AGO3: variants seen among roughly 807,000 people sequenced by gnomAD.
The protein encoded by AGO3 is argonaute RISC catalytic component 3.
AGO3 carries 16 observed loss-of-function variants against 105.5 expected under a neutral mutation model. The observed-to-expected ratio is 0.15, with a 90% CI of 0.10 to 0.23. The LOEUF (loss-of-function observed/expected upper bound fraction) is 0.23, where lower values mean the gene tolerates loss of function less well. AGO3 is among the 10% of genes least tolerant of loss of function. The pLI, the probability that AGO3 is intolerant of heterozygous loss-of-function variation, is 1.00. For missense variants in AGO3, 534 were observed against 1,088.0 expected (o/e 0.49, Z 7.16); for synonymous variants, 340 against 367.3 (o/e 0.93, Z 0.85).
chr1:35,952,226 A>T (rs1265280120), intron 2 of AGO3, among the ~76,000 whole-genome samples: 1 of 143,834 alleles, frequency 7.0e-6, no homozygotes, highest in Non-Finnish European at 1.5e-5. Context: ...GGCTCACTGC[A>T]ACCTCTGCCT....
At chr1:35,936,200 G>GT (rs1362208637) in intron 1 of AGO3, among the ~76,000 whole-genome samples, 1 of 151,752 alleles carries the variant, frequency 6.6e-6, no homozygotes, top group Non-Finnish European at 1.5e-5. Context: ...AGTTTCTGTG[G>GT]TTTTCTGCCA....
At chr1:36,012,784 C>T (rs1640683123) in intron 9 of AGO3, among the ~76,000 whole-genome samples, 2 of 151,940 alleles carry the variant, frequency 1.3e-5, no homozygotes, top group African/African-American at 4.8e-5. Flanking sequence ...ACATTTTCAG[C>T]TGGGTAGTAC....
At chr1:35,963,170 T>TA (rs1044670816) in intron 2 of AGO3, among the ~76,000 whole-genome samples, 3 of 152,220 alleles carry the variant, frequency 2.0e-5, no homozygotes, top group African/African-American at 7.2e-5. Flanking sequence ...CATGGGTTCA[T>TA]AAGGGGACAT....
rs1319497306 is a variant in AGO3 at position 35,931,453 on chromosome 1, A to G, written c.19+8A>G. 4 of 1,513,610 alleles carry G rather than the reference A, an allele frequency of 2.6e-6. No homozygotes were observed. In the East Asian group the frequency reaches 8.1e-5, roughly 31 times the overall value. The allele number at this position is 1,513,610 out of a possible 1,614,324, so 93.8% of individuals were successfully genotyped here. ...TGGAAATCGGCTCCGCAGGTGAGTC[A>G]GAGTAGCTGGGCCAGGTAGGGGATG... On this transcript the variant is annotated splice_region_variant and intron_variant, in intron 1 of 18. Coordinates refer to ENST00000373191, the MANE Select transcript of AGO3 (RefSeq NM_024852.4).
chr1:36,013,702 C>T lies in AGO3; in HGVS notation c.1222C>T (p.His408Tyr). 1 of 1,614,124 alleles carries T rather than the reference C, an allele frequency of 6.2e-7. No individual in the cohort carries two copies. Among genetic ancestry groups the T allele is most frequent in the South Asian group, 1.1e-5 (1 of 91,086 alleles). Reference protein sequence around the residue: ...FQFKVRDEMAHVTGRVLPAPM... With the variant: ...FQFKVRDEMAYVTGRVLPAPM... ...ATTTAAAGTTCGGGATGAAATGGCT[C>T]ATGTAACTGGACGCGTACTTCCAGC... Residue 408 changes from histidine to tyrosine, a missense_variant, in exon 10 of 19, where the codon CAT becomes TAT. Physicochemically the swap from His to Tyr is moderately conservative, Grantham distance 83 (BLOSUM62 2). Transcript: ENST00000373191.
chr1:36,013,520 T>C, intron 9 of AGO3, 110 bp from the exon 10 acceptor site: 1 of 1,410,806 alleles, frequency 7.1e-7, no homozygotes, highest in Non-Finnish European at 9.6e-7. Context: ...ATTAGACCTG[T>C]TGGAAAATAT....
rs1643107226 is a variant in AGO3 at position 36,067,271 on chromosome 1, A to T, written c.*11526A>T. 6.6e-6 allele frequency: 1 copy of T among 152,242 alleles called. No homozygotes were observed. The highest frequency in any genetic ancestry group is 6.5e-5 in the Admixed American group (1 of 15,278). 9.4% of individuals were successfully genotyped at this position (152,242 alleles called of 1,614,324 possible). A position where few individuals can be genotyped will look rare whatever the true frequency, so the allele number is the denominator to read the frequency against. ...ACAGTCCGACCCAGTTCATGGATACAGTTTGATCCCAGGGAGTTTAACAAA... is the reference window on the plus strand; with the variant it reads ...ACAGTCCGACCCAGTTCATGGATACTGTTTGATCCCAGGGAGTTTAACAAA... On this transcript the variant is annotated 3_prime_UTR_variant, in exon 19 of 19. Transcript: ENST00000373191.
At chr1:36,037,390 G>A (rs1642059366) in intron 14 of AGO3, among the ~76,000 whole-genome samples, 1 of 152,034 alleles carries the variant, frequency 6.6e-6, no homozygotes, top group African/African-American at 2.4e-5. Context: ...TCGTGGTGGT[G>A]GGTGCCTTTA....
intron 12 of AGO3, among the ~76,000 whole-genome samples, chr1:36,030,510 A>G (rs1021662666): frequency 6.6e-6 from 1 of 151,896 alleles, no homozygotes; most frequent in Non-Finnish European, 1.5e-5. Context: ...TTCTCAAAAA[A>G]AAAAAAAAAA....
Position 35,994,010 on chromosome 1 carries a change from C to G in AGO3, c.659-10331C>G, listed in dbSNP as rs577537908. ...CTGCCCACCTCAACCTCCCAAAGTGCTGGGATTACATGCGTGAGCCACTGC... is the reference window on the plus strand; with the variant it reads ...CTGCCCACCTCAACCTCCCAAAGTGGTGGGATTACATGCGTGAGCCACTGC... On this transcript the variant is annotated intron_variant, in intron 5 of 18. Coordinates refer to ENST00000373191, the MANE Select transcript of AGO3 (RefSeq NM_024852.4). 7.0e-5 allele frequency among the ~76,000 whole-genome samples: 10 copies of G among 143,590 alleles called. No homozygotes were observed. In the East Asian group the frequency reaches 2.1e-3, roughly 30 times the overall value. 94.2% of individuals were successfully genotyped at this position (143,590 alleles called of 152,430 possible).
Position 36,005,172 on chromosome 1 carries a change from G to A in AGO3, c.793+697G>A, listed in dbSNP as rs143243713. Among the ~76,000 whole-genome samples the A allele has an allele frequency of 8.3e-3, 1,257 of 152,206 alleles. 18 individuals carry two copies. The highest frequency in any genetic ancestry group is 0.028 in the African/African-American group (1,180 of 41,556). On this transcript the variant is annotated intron_variant, in intron 6 of 18. Transcript: ENST00000373191. ...TCCCTAATCAGAATGAATAGGATAAGTTCTATTTATATTGTTAGATCTTAA... is the reference window on the plus strand; with the variant it reads ...TCCCTAATCAGAATGAATAGGATAAATTCTATTTATATTGTTAGATCTTAA...
intron 1 of AGO3, 38 bp from the exon 2 acceptor site, chr1:35,945,654 G>T: frequency 1.2e-6 from 2 of 1,600,912 alleles, no homozygotes; most frequent in Non-Finnish European, 1.7e-6. Flanking sequence ...AATACAGCTT[G>T]TAACTGTGAC....
intron 2 of AGO3, among the ~76,000 whole-genome samples, chr1:35,966,637 A>G (rs1646779379): frequency 6.6e-6 from 1 of 152,204 alleles, no homozygotes; most frequent in Admixed American, 6.5e-5. Flanking sequence ...AGAAGTTAAT[A>G]TGTTAGGGAG....
chr1:36,044,670 G>A (rs192959430), intron 17 of AGO3, among the ~76,000 whole-genome samples: 33 of 152,238 alleles, frequency 2.2e-4, no homozygotes, highest in African/African-American at 7.2e-4. Flanking sequence ...TCAAACTCCT[G>A]ACCTCAAGTA....
rs1268195839 is a variant in AGO3 at position 36,068,499 on chromosome 1, T to G, written c.*12754T>G. 2 of 152,172 alleles carry G rather than the reference T, an allele frequency of 1.3e-5. No individual in the cohort carries two copies. The allele number at this position is 152,172 out of a possible 1,614,324, so 9.4% of individuals were successfully genotyped here. On this transcript the variant is annotated 3_prime_UTR_variant, in exon 19 of 19. Transcript: ENST00000373191. ...GGCAATACAGCAAGACCCCAATCTTTAAAATAAATAAATAAATAAGAATTA... is the reference window on the plus strand; with the variant it reads ...GGCAATACAGCAAGACCCCAATCTTGAAAATAAATAAATAAATAAGAATTA...
In AGO3 at chr1:36,059,283, T is replaced by G. The variant is rs1447960275; in HGVS notation, c.*3538T>G. On this transcript the variant is annotated 3_prime_UTR_variant, in exon 19 of 19. Coordinates refer to ENST00000373191, the MANE Select transcript of AGO3 (RefSeq NM_024852.4). ...TATATTAATTACCATTGGTTCTTAATTACAAGAAAACTTGTGCTTAGAATT... is the reference window on the plus strand; with the variant it reads ...TATATTAATTACCATTGGTTCTTAAGTACAAGAAAACTTGTGCTTAGAATT... 1 of 152,074 alleles carries G rather than the reference T, an allele frequency of 6.6e-6. No homozygotes were observed. Among genetic ancestry groups the G allele is most frequent in the African/African-American group, 2.4e-5 (1 of 41,424 alleles). 9.4% of individuals were successfully genotyped at this position (152,074 alleles called of 1,614,324 possible).
At chr1:36,040,539 C>T (rs1642199887) in intron 16 of AGO3, 98 bp downstream of exon 16, 7 of 1,333,890 alleles carry the variant, frequency 5.2e-6, no homozygotes, top group East Asian at 4.6e-5. Context: ...GCAGGATTTC[C>T]AATATATAGT....
chr1:35,972,008 CTT>C lies in AGO3; in HGVS notation c.313-13_313-12del, dbSNP rs765204369. ...CTTTTTCAACATTTACCAGTTGACT[CTT>C]TTCCCATCAACAGGTAGATTTAGAC... is the stretch of plus-strand genomic sequence containing the variant. On this transcript the variant is annotated splice_polypyrimidine_tract_variant and intron_variant, in intron 3 of 18. Coordinates refer to ENST00000373191, the MANE Select transcript of AGO3 (RefSeq NM_024852.4). The C allele has an allele frequency of 9.0e-5, 145 of 1,606,918 alleles. No homozygotes were observed. The African/African-American group carries it at 1.0e-3, about 11-fold the overall frequency.
At chr1:36,010,467 G>A (rs1640548889) in intron 9 of AGO3, among the ~76,000 whole-genome samples, 1 of 151,978 alleles carries the variant, frequency 6.6e-6, no homozygotes, top group Non-Finnish European at 1.5e-5. Flanking sequence ...AGTGGGGCAT[G>A]GTGGCATGTG....
Sources: allele counts gnomAD v4.1 joint callset (sites outside exome capture counted in the v4.1 genomes callset), GRCh38; gene constraint gnomAD v4.1.1; transcripts MANE v1.5; gene names NCBI Gene and HGNC (gene_info 2026-07-23, HGNC 2026-07-21).